The following NRXN1 variants were observed in gnomAD, a reference collection of about 807,000 sequenced individuals.
NRXN1 encodes the protein neurexin 1.
Under a neutral mutation model 150.9 loss-of-function variants are expected in NRXN1, and 39 were observed. The observed-to-expected ratio is 0.26, with a 90% confidence interval of 0.20 to 0.34. The LOEUF is 0.34. NRXN1 is among the 10% of genes least tolerant of loss of function. NRXN1 has a pLI of 1.00. For missense variants in NRXN1, 1,815 were observed against 1,949.9 expected (o/e 0.93, Z 1.30); for synonymous variants, 924 against 757.0 (o/e 1.22, Z -3.62).
intron 22 of NRXN1, among the ~76,000 whole-genome samples, chr2:49,925,572 A>C (rs1477248087): frequency 6.6e-6 from 1 of 152,130 alleles, no homozygotes; most frequent in Non-Finnish European, 1.5e-5. Context: ...TCCATTTACT[A>C]AAATGTGAAA....
intron 21 of NRXN1, among the ~76,000 whole-genome samples, chr2:49,957,947 A>C (rs1299195256): frequency 2.6e-5 from 4 of 152,162 alleles, no homozygotes; most frequent in African/African-American, 9.6e-5. Flanking sequence ...ACTTTTCCCA[A>C]GTTTCTTATA....
At chr2:50,938,367 C>T (rs1411596306) in intron 2 of NRXN1, among the ~76,000 whole-genome samples, 4 of 152,080 alleles carry the variant, frequency 2.6e-5, no homozygotes, top group Middle Eastern at 3.2e-3. Context: ...GACTAAAACG[C>T]TGTTATGCCA....
intron 18 of NRXN1, among the ~76,000 whole-genome samples, chr2:50,104,462 T>C (rs934511037): frequency 6.6e-6 from 1 of 152,000 alleles, no homozygotes; most frequent in Non-Finnish European, 1.5e-5. Context: ...GGAAACCATA[T>C]GTAACTTATT....
intron 17 of NRXN1, among the ~76,000 whole-genome samples, chr2:50,361,381 G>A (rs1156846361): frequency 6.6e-6 from 1 of 151,972 alleles, no homozygotes; most frequent in Non-Finnish European, 1.5e-5. Flanking sequence ...CTATATATAA[G>A]AAAAGAGAGA....
intron 5 of NRXN1, among the ~76,000 whole-genome samples, chr2:50,897,851 T>C (rs373719414): frequency 3.0e-4 from 45 of 152,352 alleles, no homozygotes; most frequent in African/African-American, 9.6e-4. Flanking sequence ...GTGTAAACAA[T>C]TGTCAAAATT....
chr2:50,747,316 A>C (rs1008252080), intron 5 of NRXN1, among the ~76,000 whole-genome samples: 4 of 152,076 alleles, frequency 2.6e-5, no homozygotes, highest in African/African-American at 4.8e-5. Context: ...AGGAATGAGG[A>C]GATCAGACAA....
At chr2:50,571,160 G>C (rs989078872) in intron 8 of NRXN1, among the ~76,000 whole-genome samples, 14 of 152,126 alleles carry the variant, frequency 9.2e-5, no homozygotes, top group African/African-American at 3.4e-4. Flanking sequence ...GTTGATACCA[G>C]GAAGGAGATA....
rs115423404 is a variant in NRXN1 at position 49,994,078 on chromosome 2, G to A, written c.4129-50287C>T. ...TAAACCACTGCTTCAGAATCACACC[G>A]GGGATCCTCTGTTTCCCTTCACAAG... On this transcript the variant is annotated intron_variant, in intron 21 of 22. Transcript: ENST00000401669. Among the ~76,000 whole-genome samples the A allele has an allele frequency of 4.7e-3, 708 of 152,180 alleles. 6 individuals carry two copies. Among genetic ancestry groups the A allele is most frequent in the African/African-American group, 0.016 (648 of 41,518 alleles).
intron 17 of NRXN1, among the ~76,000 whole-genome samples, chr2:50,445,179 C>T (rs1249640854): frequency 1.3e-5 from 2 of 152,008 alleles, no homozygotes; most frequent in African/African-American, 2.4e-5. Flanking sequence ...CTGGATGGCC[C>T]GCAATACCCC....
chr2:50,280,802 T>G (rs113920146), intron 17 of NRXN1, among the ~76,000 whole-genome samples: 1 of 152,180 alleles, frequency 6.6e-6, no homozygotes, highest in Non-Finnish European at 1.5e-5. Flanking sequence ...GAGCCTTTCC[T>G]GAGGGAAGAA....
At chr2:50,476,619 T>C (rs534865780) in intron 15 of NRXN1, among the ~76,000 whole-genome samples, 26 of 152,234 alleles carry the variant, frequency 1.7e-4, no homozygotes, top group Admixed American at 7.9e-4. Flanking sequence ...CTGATTCCAC[T>C]GAGAAATGCA....
In NRXN1 at chr2:50,137,085, C is replaced by A. The variant is rs1051745307; in HGVS notation, c.3547-45591G>T. ...TAGCTTTGAAAGGTAAAAGACAAAC[C>A]AAGTAGATTTTTTTTTACTTGGGGA... On this transcript the variant is annotated intron_variant, in intron 18 of 22. Coordinates refer to ENST00000401669, the MANE Select transcript of NRXN1 (RefSeq NM_001330078.2). 2.0e-5 allele frequency among the ~76,000 whole-genome samples: 3 copies of A among 151,948 alleles called. No homozygotes were observed. The South Asian group carries it at 6.2e-4, about 32-fold the overall frequency.
intron 17 of NRXN1, among the ~76,000 whole-genome samples, chr2:50,462,650 C>T (rs1227410664): frequency 6.6e-6 from 1 of 151,830 alleles, no homozygotes; most frequent in South Asian, 2.1e-4. Flanking sequence ...ACTTAGATGG[C>T]AATTTTCCGG....
At chr2:50,756,196 G>A (rs1020998089) in intron 5 of NRXN1, among the ~76,000 whole-genome samples, 1 of 151,630 alleles carries the variant, frequency 6.6e-6, no homozygotes, top group Non-Finnish European at 1.5e-5. Flanking sequence ...AGCAATGAGA[G>A]AATGGAGGCT....
intron 22 of NRXN1, among the ~76,000 whole-genome samples, chr2:49,937,878 A>C (rs750789004): frequency 5.8e-4 from 89 of 152,200 alleles, no homozygotes; most frequent in Non-Finnish European, 1.0e-3. Flanking sequence ...ACCCAGCAAG[A>C]CAGTCCTTGA....
At chr2:49,980,827 T>A (rs1679874469) in intron 21 of NRXN1, among the ~76,000 whole-genome samples, 1 of 152,060 alleles carries the variant, frequency 6.6e-6, no homozygotes, top group Non-Finnish European at 1.5e-5. Context: ...ATATGATGGG[T>A]TTCTAGACCT....
intron 17 of NRXN1, among the ~76,000 whole-genome samples, chr2:50,356,376 C>A (rs2078817346): frequency 6.6e-6 from 1 of 152,134 alleles, no homozygotes; most frequent in African/African-American, 2.4e-5. Context: ...GAAGTATATG[C>A]TCCAAAACAT....
intron 12 of NRXN1, among the ~76,000 whole-genome samples, chr2:50,515,343 C>T (rs1234878869): frequency 1.3e-5 from 2 of 152,180 alleles, no homozygotes; most frequent in East Asian, 1.9e-4. Context: ...ATAATGATTT[C>T]ATTATATATT....
intron 18 of NRXN1, among the ~76,000 whole-genome samples, chr2:50,100,849 T>C (rs1162611658): frequency 1.3e-5 from 2 of 152,104 alleles, no homozygotes; most frequent in African/African-American, 4.8e-5. Flanking sequence ...ATGTCTTTTA[T>C]TATTTTTCTC....
Sources: allele counts gnomAD v4.1 joint callset (sites outside exome capture counted in the v4.1 genomes callset), GRCh38; gene constraint gnomAD v4.1.1; transcripts MANE v1.5; gene names NCBI Gene and HGNC (gene_info 2026-07-23, HGNC 2026-07-21).